UPF3B: variants seen among roughly 807,000 people sequenced by gnomAD.
The protein encoded by UPF3B is UPF3B regulator of nonsense mediated mRNA decay.
Under a neutral mutation model 40.3 loss-of-function variants are expected in UPF3B, and 7 were observed. The ratio of observed to expected loss-of-function variants is 0.17; its 90% CI spans 0.10 to 0.33. UPF3B has a LOEUF of 0.33. Ranked by LOEUF, UPF3B falls within the 10% of genes least tolerant of loss-of-function variation. The pLI is 1.00. For synonymous variants in UPF3B, 117 were observed against 117.3 expected (o/e 1.00, Z 0.01); for missense variants, 229 against 358.9 (o/e 0.64, Z 2.93).
intron 3 of UPF3B, among the ~76,000 whole-genome samples, chrX:119,828,112 G>A (rs772781804): frequency 3.7e-5 from 4 of 109,502 alleles, no homozygotes; most frequent in Non-Finnish European, 7.6e-5. Flanking sequence ...AGAGTGCAGT[G>A]GCTCAATATT....
At chrX:119,822,587 C>T (rs145799509) in intron 4 of UPF3B, among the ~76,000 whole-genome samples, 7 of 111,881 alleles carry the variant, frequency 6.3e-5, no homozygotes, top group African/African-American at 2.3e-4. Flanking sequence ...TCTTCTGCTG[C>T]GTACTCCTCT....
chrX:119,817,992 C>A (rs1355503372), intron 4 of UPF3B, among the ~76,000 whole-genome samples: 1 of 111,868 alleles, frequency 8.9e-6, no homozygotes, highest in Non-Finnish European at 1.9e-5. Context: ...TTAGGCCAGG[C>A]GCAGTGGCTC....
rs974912121 is a variant in UPF3B at position 119,840,655 on chromosome X, A to G, written c.837T>C (p.Asn279=). ...KVHRFLLQAV[N]QKNLLKKPEK... ...TGTACTTGGTCCTTACATTTTTCTG[A>G]TTCACAGCTTGTAACAGAAACCTGT... The change falls in exon 8 of 11, where the codon AAT becomes AAC. Residue 279 remains asparagine, a synonymous_variant. Transcript: ENST00000276201. 8.3e-7 allele frequency: 1 copy of G among 1,209,877 alleles called. No individual in the cohort carries two copies. The highest frequency in any genetic ancestry group is 1.8e-5 in the South Asian group (1 of 56,887).
downstream of UPF3B, among the ~76,000 whole-genome samples, chrX:119,830,012 C>T (rs779025954): frequency 2.5e-4 from 28 of 111,810 alleles, no homozygotes; most frequent in Non-Finnish European, 4.7e-4. Context: ...TTAATCCTGT[C>T]GCCCAGCTGA....
At chrX:119,852,713 C>T in intron 1 of UPF3B, 60 bp downstream of exon 1, 1 of 1,206,062 alleles carries the variant, frequency 8.3e-7, no homozygotes, top group Non-Finnish European at 1.1e-6. Flanking sequence ...CATTCCCAGC[C>T]ATCCTCCCCG....
intron 3 of UPF3B, among the ~76,000 whole-genome samples, chrX:119,828,088 C>T (rs994890184): frequency 9.3e-6 from 1 of 107,924 alleles, no homozygotes; most frequent in African/African-American, 3.4e-5. Context: ...GAGTCTCGCT[C>T]TGTTGCCCAG....
intron 6 of UPF3B, among the ~76,000 whole-genome samples, chrX:119,806,656 T>C (rs962260331): frequency 9.0e-6 from 1 of 111,350 alleles, no homozygotes. Flanking sequence ...TATCCTTCAC[T>C]GTACTTATAC....
rs12012604 is a variant in UPF3B, at chrX:119,842,603, C to T, written c.580+588G>A. Among the ~76,000 whole-genome samples the T allele has an allele frequency of 5.9e-4, 53 of 90,083 alleles. 1 individual carries two copies. The highest frequency in any genetic ancestry group is 2.3e-3 in the African/African-American group (51 of 22,404). The allele number at this position is 90,083 out of a possible 115,157, so 78.2% of individuals were successfully genotyped here. ...TCTCACACACACACACACACACACA[C>T]ATACACACACACACACACACACACA... On this transcript the variant is annotated intron_variant, in intron 5 of 10. Coordinates refer to ENST00000276201, the MANE Select transcript of UPF3B (RefSeq NM_080632.3).
intron 3 of UPF3B, among the ~76,000 whole-genome samples, chrX:119,848,747 A>T (rs930378488): frequency 8.9e-6 from 1 of 111,813 alleles, no homozygotes; most frequent in African/African-American, 3.3e-5. Context: ...CACATATTGT[A>T]TGATTACATT....
chrX:119,846,125 G>A (rs2056227644), intron 3 of UPF3B, among the ~76,000 whole-genome samples: 1 of 110,506 alleles, frequency 9.0e-6, no homozygotes, highest in South Asian at 3.8e-4. Flanking sequence ...CCTGAGGTCA[G>A]AAGTTTGAGA....
At chrX:119,818,053 T>G (rs963390737) in intron 4 of UPF3B, among the ~76,000 whole-genome samples, 2 of 106,003 alleles carry the variant, frequency 1.9e-5, no homozygotes, top group African/African-American at 7.0e-5. Flanking sequence ...GATCACAAGG[T>G]CAGGGGTTCA....
At position 119,838,373 on chromosome X, in the gene UPF3B, G is replaced by A. The variant is rs754650766; in HGVS notation, c.1001C>T (p.Pro334Leu). The A allele has an allele frequency of 8.3e-6, 10 of 1,209,735 alleles. No homozygotes were observed. In the Admixed American group the frequency reaches 1.8e-4, roughly 21 times the overall value. ...AGAGTCCTTGACTACTGACCTCTTT[G>A]GTTTTTCATCTTTAAGTTCGCTATC... ...RSDSELKDEK[P>L]KRPEDESGRD... The change falls in exon 9 of 11, where the codon CCA (proline) becomes CTA (leucine). Residue 334 changes from proline (P) to leucine (L), a missense_variant. Physicochemically the swap from Pro to Leu is moderately conservative, Grantham distance 98 (BLOSUM62 -3). Transcript: ENST00000276201.
At chrX:119,806,431 T>C (rs2147747649) in intron 6 of UPF3B, among the ~76,000 whole-genome samples, 1 of 104,541 alleles carries the variant, frequency 9.6e-6, no homozygotes, top group African/African-American at 3.5e-5. Context: ...CATGTATACA[T>C]ATGTAACTAA....
At chrX:119,823,699 G>A (rs960434052) in intron 3 of UPF3B, among the ~76,000 whole-genome samples, 1 of 109,140 alleles carries the variant, frequency 9.2e-6, no homozygotes, top group Admixed American at 9.9e-5. Flanking sequence ...AAGTAGCTGG[G>A]ACTACAGGCA....
chrX:119,821,753 G>A (rs1250270415), intron 4 of UPF3B, among the ~76,000 whole-genome samples: 2 of 109,750 alleles, frequency 1.8e-5, no homozygotes, highest in Admixed American at 9.7e-5. Context: ...AGCCGAGATT[G>A]TGCCACTGCA....
chrX:119,815,211 C>G (rs2055854881), exon 5 of UPF3B: 1 of 797,090 alleles, frequency 1.3e-6, no homozygotes. Context: ...TGCTTTCTTT[C>G]TACTGCTGAA....
At chrX:119,845,411 G>T in intron 3 of UPF3B, 115 bp from the exon 4 acceptor site, 1 of 589,675 alleles carries the variant, frequency 1.7e-6, no homozygotes, top group Non-Finnish European at 2.8e-6. Flanking sequence ...TCTGAAGAGG[G>T]TCTCCCAAAG....
At chrX:119,840,011 T>C (rs1485997838) in intron 8 of UPF3B, among the ~76,000 whole-genome samples, 1 of 111,111 alleles carries the variant, frequency 9.0e-6, no homozygotes, top group Non-Finnish European at 1.9e-5. Context: ...CGTAGAGACT[T>C]AGGGAACCCT....
intron 10 of UPF3B, among the ~76,000 whole-genome samples, chrX:119,836,949 C>T (rs2056101758): frequency 1.0e-5 from 1 of 97,996 alleles, no homozygotes; most frequent in African/African-American, 3.8e-5. Flanking sequence ...CGCGCCCGGC[C>T]AGTTTTTTTT....
Sources: gnomAD v4.1 joint callset for allele counts (sites outside exome capture counted in the v4.1 genomes callset) on GRCh38, gnomAD v4.1.1 for gene constraint, MANE v1.5 for transcripts, NCBI Gene and HGNC (gene_info 2026-07-23, HGNC 2026-07-21) for gene names.